Variants in SPECC1L observed in about 807,000 individuals in gnomAD.
SPECC1L encodes cytospin-A.
SPECC1L carries 40 observed loss-of-function variants against 116.8 expected under a neutral mutation model. That is an observed-to-expected ratio of 0.34 (90% CI 0.27 to 0.45). The LOEUF is 0.45. Ranked by LOEUF, SPECC1L falls within the 20% of genes least tolerant of loss-of-function variation. The probability of loss-of-function intolerance (pLI) is 1.00; values close to 1 mark genes in which losing one functional copy is unlikely to be tolerated. For synonymous variants in SPECC1L, 504 were observed against 500.6 expected, an observed-to-expected ratio of 1.01 and a Z score of -0.09; for missense variants, 1,110 against 1,373.6, an observed-to-expected ratio of 0.81 and a Z score of 3.03.
chr22:24,309,768 G>A (rs779034098), intron 3 of SPECC1L, among the ~76,000 whole-genome samples: 8 of 152,104 alleles, frequency 5.3e-5, no homozygotes, highest in Non-Finnish European at 8.8e-5. Context: ...AAATACTACC[G>A]TGGTGAAAAA....
intron 14 of SPECC1L, among the ~76,000 whole-genome samples, chr22:24,383,722 T>C (rs1461718027): frequency 6.7e-6 from 1 of 150,078 alleles, no homozygotes; most frequent in African/African-American, 2.5e-5. Context: ...CTGCAACCTC[T>C]GCCTCCCAGG....
intron 10 of SPECC1L, among the ~76,000 whole-genome samples, chr22:24,344,592 C>CAAAAAAAA (rs35725042): frequency 4.2e-5 from 5 of 117,928 alleles, no homozygotes; most frequent in Non-Finnish European, 9.1e-5. Context: ...TGCATAAGAC[C>CAAAAAAAA]AAAAAAAAAA....
Position 24,411,654 on chromosome 22 carries a change from A to G in SPECC1L, c.3154A>G (p.Thr1052Ala). 6.2e-7 allele frequency: 1 copy of G among 1,614,078 alleles called. No homozygotes were observed. Among genetic ancestry groups the G allele is most frequent in the Non-Finnish European group, 8.5e-7 (1 of 1,180,036 alleles). The change falls in exon 15 of 17, where the codon ACA (threonine) becomes GCA (alanine). Residue 1052 changes from threonine to alanine, a missense_variant. By Grantham distance (58) the Thr-to-Ala change is moderately conservative. This residue lies in a region of SPECC1L where 76 missense variants were observed against 148.5 expected (regional missense o/e 0.51). Transcript: ENST00000314328. ...GCTGGCCTTCTGTGCCCTCCTGCAT[A>G]CATATCTCCCTGCCCACATTCCATA... ...DGLAFCALLHTYLPAHIPYQE... is the reference protein window; with the variant it reads ...DGLAFCALLHAYLPAHIPYQE...
rs535865663 is a variant in SPECC1L at position 24,385,363 on chromosome 22, TA to T, written c.3087+16048del. 1.1e-4 allele frequency among the ~76,000 whole-genome samples: 17 copies of T among 152,298 alleles called. No individual in the cohort carries two copies. In the East Asian group the frequency reaches 3.3e-3, roughly 29 times the overall value. On this transcript the variant is annotated intron_variant, in intron 14 of 16. Transcript: ENST00000314328. Reference sequence around the variant, plus strand: ...AGTAATAGATGTAAATCCATATATGTAAAAATCACATTATAGGTAAATAGGC... The same window carrying T: ...AGTAATAGATGTAAATCCATATATGTAAAATCACATTATAGGTAAATAGGC...
intron 11 of SPECC1L, among the ~76,000 whole-genome samples, chr22:24,355,775 A>G (rs2041520464): frequency 1.3e-5 from 2 of 151,220 alleles, no homozygotes; most frequent in Non-Finnish European, 2.9e-5. Flanking sequence ...TTAATTTGTC[A>G]TAGTCTGCAT....
chr22:24,287,694 GCTCTA>G (rs2049068257), intron 2 of SPECC1L, among the ~76,000 whole-genome samples: 1 of 152,130 alleles, frequency 6.6e-6, no homozygotes, highest in African/African-American at 2.4e-5. Context: ...TCAGACTCCT[GCTCTA>G]CCATTTGCTT....
intron 6 of SPECC1L, among the ~76,000 whole-genome samples, chr22:24,327,787 GCTT>G (rs2040860365): frequency 6.6e-6 from 1 of 152,132 alleles, no homozygotes; most frequent in Non-Finnish European, 1.5e-5. Context: ...TCATCACATG[GCTT>G]CTTCTGCCTT....
chr22:24,320,179 G>A (rs564118663), intron 4 of SPECC1L, among the ~76,000 whole-genome samples: 1 of 152,206 alleles, frequency 6.6e-6, no homozygotes, highest in East Asian at 1.9e-4. Flanking sequence ...GGGAGGCCTA[G>A]GAAGGAGAAT....
At chr22:24,401,755 G>C (rs538900757) in intron 14 of SPECC1L, among the ~76,000 whole-genome samples, 3 of 152,172 alleles carry the variant, frequency 2.0e-5, no homozygotes, top group African/African-American at 7.2e-5. Context: ...CAAATGGTGA[G>C]CCTTCCTGTT....
chr22:24,271,168 C>G (rs1269453747), intron 1 of SPECC1L, among the ~76,000 whole-genome samples, 185 bp downstream of exon 1: 1 of 152,254 alleles, frequency 6.6e-6, no homozygotes, highest in Non-Finnish European at 1.5e-5. Context: ...GCGCCGTCCT[C>G]GTTCTGGGCT....
rs538656874 is a variant in SPECC1L at position 24,414,978 on chromosome 22, C to G, written c.*355C>G. The G allele has an allele frequency of 3.1e-6, 1 of 322,796 alleles. No homozygotes were observed. Among genetic ancestry groups the G allele is most frequent in the Non-Finnish European group, 6.1e-6 (1 of 164,464 alleles). The allele number at this position is 322,796 out of a possible 1,614,324, so 20.0% of individuals were successfully genotyped here. On this transcript the variant is annotated 3_prime_UTR_variant, in exon 17 of 17. Coordinates refer to ENST00000314328, the MANE Select transcript of SPECC1L (RefSeq NM_015330.6). ...ACAGCTGAATTTGGGAAAAGGGATT[C>G]AGTTCTGTGGGAAACTCACTAGGGT... is the stretch of plus-strand genomic sequence containing the variant.
intron 12 of SPECC1L, among the ~76,000 whole-genome samples, chr22:24,365,032 GTC>G (rs1437995380): frequency 1.3e-5 from 2 of 152,152 alleles, no homozygotes; most frequent in African/African-American, 4.8e-5. Flanking sequence ...TTGAGATGGA[GTC>G]TCTCTCTGTC....
intron 9 of SPECC1L, among the ~76,000 whole-genome samples, chr22:24,336,540 A>G (rs2041062185): frequency 6.6e-6 from 1 of 152,106 alleles, no homozygotes; most frequent in Admixed American, 6.6e-5. Flanking sequence ...GTTAATAGCC[A>G]CTGTACTCTA....
intron 11 of SPECC1L, among the ~76,000 whole-genome samples, chr22:24,362,430 A>C (rs1311170111): frequency 6.6e-6 from 1 of 152,214 alleles, no homozygotes; most frequent in Non-Finnish European, 1.5e-5. Context: ...GAGTAGAACA[A>C]GGTGAGGCTG....
intron 9 of SPECC1L, among the ~76,000 whole-genome samples, chr22:24,335,372 C>T (rs2041030938): frequency 6.6e-6 from 1 of 152,126 alleles, no homozygotes; most frequent in African/African-American, 2.4e-5. Flanking sequence ...TACTCTTTGC[C>T]TCAGTTGAAC....
chr22:24,316,803 C>G (rs1391831513), intron 4 of SPECC1L, among the ~76,000 whole-genome samples: 2 of 146,932 alleles, frequency 1.4e-5, no homozygotes, highest in Non-Finnish European at 3.0e-5. Flanking sequence ...GTACACCTCC[C>G]AGACGGGGTG....
At chr22:24,346,845 A>AGGATCTC (rs1246694197) in intron 10 of SPECC1L, among the ~76,000 whole-genome samples, 1 of 152,178 alleles carries the variant, frequency 6.6e-6, no homozygotes, top group Non-Finnish European at 1.5e-5. Context: ...AAGAGTACGT[A>AGGATCTC]GGATCTCTTT....
chr22:24,358,823 T>C (rs5760362), intron 11 of SPECC1L, among the ~76,000 whole-genome samples: 3,806 of 152,262 alleles, frequency 0.025, 154 homozygotes, highest in South Asian at 0.12. Context: ...TGGGAAACAA[T>C]AAAGGGAAAA....
intron 11 of SPECC1L, among the ~76,000 whole-genome samples, chr22:24,349,569 TA>T (rs2041378668): frequency 6.6e-6 from 1 of 152,204 alleles, no homozygotes; most frequent in Non-Finnish European, 1.5e-5. Flanking sequence ...TGATATTGAA[TA>T]TTCTCAGACA....
Sources: gnomAD v4.1 joint callset for allele counts (sites outside exome capture counted in the v4.1 genomes callset) on GRCh38, gnomAD v4.1.1 for gene constraint, gnomAD v4.1.1 regional missense constraint, MANE v1.5 for transcripts, NCBI Gene and HGNC (gene_info 2026-07-23, HGNC 2026-07-21) for gene names.